Variants in PODXL2 observed in about 807,000 individuals in gnomAD.
PODXL2 encodes podocalyxin-like protein 2.
In PODXL2, 17 loss-of-function variants were observed where a neutral mutation model predicts 53.4. That is an observed-to-expected ratio of 0.32 (90% CI 0.22 to 0.48). PODXL2 has a LOEUF of 0.48. Ranked by LOEUF, PODXL2 falls within the 20% of genes least tolerant of loss-of-function variation. The pLI, the probability that PODXL2 is intolerant of heterozygous loss-of-function variation, is 0.99. For missense variants in PODXL2, 673 were observed against 760.0 expected (o/e 0.89, Z 1.35); for synonymous variants, 311 against 306.7 (o/e 1.01, Z -0.15).
At chr3:127,630,402 A>G (rs145441078) in intron 1 of PODXL2, among the ~76,000 whole-genome samples, 50 of 152,342 alleles carry the variant, frequency 3.3e-4, no homozygotes, top group African/African-American at 1.1e-3. Context: ...ATAGCGTCCT[A>G]GTATGATGTG....
intron 1 of PODXL2, among the ~76,000 whole-genome samples, chr3:127,634,566 TA>T (rs141608633): frequency 7.1e-5 from 9 of 127,626 alleles, no homozygotes; most frequent in South Asian, 2.4e-4. Context: ...CTACTAAAAA[TA>T]AAAAAAAAAT....
intron 6 of PODXL2, among the ~76,000 whole-genome samples, chr3:127,669,605 A>G (rs2074817637): frequency 6.6e-6 from 1 of 152,196 alleles, no homozygotes; most frequent in African/African-American, 2.4e-5. Context: ...TCCAGAAACC[A>G]AAAGAGCAAG....
intron 1 of PODXL2, among the ~76,000 whole-genome samples, chr3:127,631,534 C>T (rs1392445627): frequency 6.6e-6 from 1 of 152,094 alleles, no homozygotes; most frequent in Non-Finnish European, 1.5e-5. Flanking sequence ...TTTTCTCTCT[C>T]CTCTGTTGGG....
At chr3:127,648,185 C>G (rs1169327255) in intron 2 of PODXL2, among the ~76,000 whole-genome samples, 1 of 152,224 alleles carries the variant, frequency 6.6e-6, no homozygotes, top group East Asian at 1.9e-4. Context: ...GAGAGTTCTA[C>G]TTCAAGATCT....
chr3:127,671,666 C>T (rs1038382344), intron 7 of PODXL2, 53 bp downstream of exon 7: 24 of 1,533,776 alleles, frequency 1.6e-5, no homozygotes, highest in Non-Finnish European at 2.1e-5. Flanking sequence ...GAGTGCCCAT[C>T]GATAGGTGTC....
At chr3:127,646,600 A>T (rs760760397) in intron 2 of PODXL2, among the ~76,000 whole-genome samples, 1 of 151,972 alleles carries the variant, frequency 6.6e-6, no homozygotes, top group African/African-American at 2.4e-5. Context: ...GTTGGCCAGG[A>T]TGGTCTCAAA....
At chr3:127,633,401 A>G (rs1022539134) in intron 1 of PODXL2, among the ~76,000 whole-genome samples, 1 of 152,082 alleles carries the variant, frequency 6.6e-6, no homozygotes, top group African/African-American at 2.4e-5. Flanking sequence ...TCTATTAACT[A>G]GCTGTTTGAC....
Position 127,659,956 on chromosome 3 carries a change from A to G in PODXL2, c.350-422A>G, listed in dbSNP as rs145475560. On this transcript the variant is annotated intron_variant, in intron 2 of 7. Transcript: ENST00000342480. ...GACCTCCTTCGGGGACTCCACCAAGAAGACTCTTATAACGACTCACTAGAA... is the reference window on the plus strand; with the variant it reads ...GACCTCCTTCGGGGACTCCACCAAGGAGACTCTTATAACGACTCACTAGAA... 4.9e-4 allele frequency among the ~76,000 whole-genome samples: 75 copies of G among 152,198 alleles called. 1 individual carries two copies. Among genetic ancestry groups the G allele is most frequent in the African/African-American group, 1.7e-3 (72 of 41,434 alleles).
chr3:127,632,226 A>C (rs2074551622), intron 1 of PODXL2, among the ~76,000 whole-genome samples: 1 of 152,200 alleles, frequency 6.6e-6, no homozygotes, highest in South Asian at 2.1e-4. Context: ...TTGAGTTCCA[A>C]GCCATTCCGA....
intron 4 of PODXL2, among the ~76,000 whole-genome samples, chr3:127,665,393 ACAGGAGTTC>A (rs1473180131): frequency 6.6e-6 from 1 of 152,258 alleles, no homozygotes; most frequent in East Asian, 1.9e-4. Flanking sequence ...CGATGGAACT[ACAGGAGTTC>A]CAGGAGTTCA....
rs940004217 is a variant in PODXL2, at chr3:127,638,686, G to A, written c.71-559G>A. The stretch of plus-strand genomic sequence containing the variant: ...GCCAAGATTGCACCACTGTACTCCA[G>A]CCTGGGCGACAGAGCAAGACTCCAT... On this transcript the variant is annotated intron_variant, in intron 1 of 7. Transcript: ENST00000342480. Among the ~76,000 whole-genome samples the A allele has an allele frequency of 2.6e-5, 4 of 152,244 alleles. No homozygotes were observed. In the East Asian group the frequency reaches 7.7e-4, roughly 29 times the overall value.
intron 4 of PODXL2, 87 bp from the exon 5 acceptor site, chr3:127,668,354 G>A: frequency 4.1e-6 from 5 of 1,205,160 alleles, no homozygotes; most frequent in Non-Finnish European, 5.5e-6. Flanking sequence ...AGGGTTGAGG[G>A]TGAGTACGGG....
chr3:127,631,354 G>C (rs2074544078), intron 1 of PODXL2, among the ~76,000 whole-genome samples: 2 of 152,206 alleles, frequency 1.3e-5, no homozygotes, highest in African/African-American at 4.8e-5. Flanking sequence ...ACCGGGAGCA[G>C]ATCACAGGGA....
At chr3:127,658,992 T>G (rs891561714) in intron 2 of PODXL2, among the ~76,000 whole-genome samples, 4 of 152,146 alleles carry the variant, frequency 2.6e-5, no homozygotes, top group Admixed American at 2.0e-4. Flanking sequence ...TTGACTTTTT[T>G]TTTTCCCAGC....
chr3:127,666,032 C>G (rs2074793487), intron 4 of PODXL2: 1 of 418,312 alleles, frequency 2.4e-6, no homozygotes, highest in Non-Finnish European at 4.8e-6. Context: ...ATTTCTGTCT[C>G]TCTCTAGGGC....
At chr3:127,665,324 A>T (rs2074790401) in intron 4 of PODXL2, among the ~76,000 whole-genome samples, 1 of 152,256 alleles carries the variant, frequency 6.6e-6, no homozygotes, top group African/African-American at 2.4e-5. Context: ...TACAGAGACT[A>T]CATATTCAGA....
At chr3:127,666,976 C>T (rs1024809343) in intron 4 of PODXL2, among the ~76,000 whole-genome samples, 1 of 152,220 alleles carries the variant, frequency 6.6e-6, no homozygotes, top group Admixed American at 6.5e-5. Context: ...GTCTGTGGGT[C>T]ATGGTGCATG....
intron 1 of PODXL2, among the ~76,000 whole-genome samples, chr3:127,638,273 A>C (rs1273639398): frequency 6.6e-6 from 1 of 152,214 alleles, no homozygotes; most frequent in Non-Finnish European, 1.5e-5. Context: ...GAAGAGGAAA[A>C]AGGCCTCCTT....
chr3:127,664,930 A>AT (rs1366628314), intron 4 of PODXL2, among the ~76,000 whole-genome samples: 2 of 152,092 alleles, frequency 1.3e-5, no homozygotes, highest in African/African-American at 4.8e-5. Context: ...ACTTGTTAGA[A>AT]TTTTTTCAAA....
Sources: gnomAD v4.1 joint callset for allele counts (sites outside exome capture counted in the v4.1 genomes callset) on GRCh38, gnomAD v4.1.1 for gene constraint, MANE v1.5 for transcripts, NCBI Gene and HGNC (gene_info 2026-07-23, HGNC 2026-07-21) for gene names.